The following NOP58 variants were observed in gnomAD, a reference collection of about 807,000 sequenced individuals.
The protein encoded by NOP58 is NOP58 ribonucleoprotein, also known as nucleolar protein 58.
In NOP58, 44 loss-of-function variants were observed where a neutral mutation model predicts 71.2. That is an observed-to-expected ratio of 0.62 (90% CI 0.49 to 0.79). The LOEUF is 0.79. Among genes scored for constraint, NOP58 ranks in the 30% least tolerant of loss-of-function variants. The pLI, the probability that NOP58 is intolerant of heterozygous loss-of-function variation, is 0.00. For missense variants in NOP58, 538 were observed against 620.2 expected (o/e 0.87, Z 1.41); for synonymous variants, 228 against 200.3 (o/e 1.14, Z -1.17).
chr2:202,299,456 T>C (rs1309710139), intron 12 of NOP58, among the ~76,000 whole-genome samples: 1 of 151,018 alleles, frequency 6.6e-6, no homozygotes, highest in East Asian at 1.9e-4. Flanking sequence ...CATTCTGCAA[T>C]ATTTATAGTC....
At chr2:202,281,169 G>T (rs1247795821) in intron 3 of NOP58, among the ~76,000 whole-genome samples, 6 of 141,736 alleles carry the variant, frequency 4.2e-5, no homozygotes, top group Admixed American at 1.4e-4. Context: ...TTTTGCTCTT[G>T]TCACTTAGGC....
chr2:202,284,583 G>C (rs539824317), intron 5 of NOP58, 102 bp downstream of exon 5: 209 of 1,208,360 alleles, frequency 1.7e-4, no homozygotes, highest in Admixed American at 2.5e-4. Context: ...AACCACATCA[G>C]AACCTTATGA....
chr2:202,275,215 T>G, intron 2 of NOP58, 26 bp downstream of exon 2: 7 of 1,231,508 alleles, frequency 5.7e-6, no homozygotes, highest in Non-Finnish European at 8.2e-6. Flanking sequence ...ATCAATAATT[T>G]AGCAGTTAAC....
At chr2:202,289,944 T>C (rs1026667183) in intron 6 of NOP58, among the ~76,000 whole-genome samples, 2 of 152,000 alleles carry the variant, frequency 1.3e-5, no homozygotes, top group Non-Finnish European at 2.9e-5. Context: ...TGAAGTGTTA[T>C]TTTTTATTCT....
At chr2:202,282,251 T>C in intron 3 of NOP58, 100 bp from the exon 4 acceptor site, 2 of 879,566 alleles carry the variant, frequency 2.3e-6, no homozygotes, top group Non-Finnish European at 3.5e-6. Context: ...ATTCAAGCCC[T>C]TTGAAAGGCC....
chr2:202,281,787 A>G (rs1332717046), intron 3 of NOP58, among the ~76,000 whole-genome samples: 1 of 152,340 alleles, frequency 6.6e-6, no homozygotes, highest in East Asian at 1.9e-4. Flanking sequence ...AGGGTGAGAA[A>G]TATAAAGCAG....
chr2:202,279,624 GTC>G (rs1178605721), intron 3 of NOP58, among the ~76,000 whole-genome samples: 1 of 152,108 alleles, frequency 6.6e-6, no homozygotes, highest in Non-Finnish European at 1.5e-5. Flanking sequence ...GTGAAACCTC[GTC>G]TCTACTGAAA....
chr2:202,290,564 A>G (rs1481737953), intron 7 of NOP58, 107 bp downstream of exon 7: 16 of 952,892 alleles, frequency 1.7e-5, no homozygotes, highest in Non-Finnish European at 1.9e-5. Context: ...GGGTTTTTGC[A>G]ATTTCTGTGT....
At chr2:202,285,341 ATTTTTTTT>A (rs932875625) in intron 5 of NOP58, among the ~76,000 whole-genome samples, 2 of 81,268 alleles carry the variant, frequency 2.5e-5, no homozygotes, top group Non-Finnish European at 4.6e-5. Context: ...CACACCCGGC[ATTTTTTTT>A]TTTTTTTTTT....
At chr2:202,270,081 T>C (rs937668612) in intron 1 of NOP58, among the ~76,000 whole-genome samples, 1 of 152,228 alleles carries the variant, frequency 6.6e-6, no homozygotes, top group Non-Finnish European at 1.5e-5. Flanking sequence ...TTTCTAACTT[T>C]ATTGGGTGTA....
At chr2:202,288,811 G>A (rs1393447301) in intron 6 of NOP58, among the ~76,000 whole-genome samples, 2 of 150,048 alleles carry the variant, frequency 1.3e-5, no homozygotes, top group African/African-American at 2.5e-5. Flanking sequence ...GCAACACTCC[G>A]TCTCAAAAAA....
At chr2:202,274,292 A>G (rs963673781) in intron 1 of NOP58, among the ~76,000 whole-genome samples, 1 of 151,932 alleles carries the variant, frequency 6.6e-6, no homozygotes, top group Non-Finnish European at 1.5e-5. Context: ...CAGTCGCGCA[A>G]TCTCGGCTCA....
At chr2:202,272,207 A>G (rs550829259) in intron 1 of NOP58, among the ~76,000 whole-genome samples, 10 of 134,806 alleles carry the variant, frequency 7.4e-5, no homozygotes, top group South Asian at 2.3e-4. Flanking sequence ...GCTGGAGTGC[A>G]GTGGCGCGAT....
intron 5 of NOP58, among the ~76,000 whole-genome samples, chr2:202,286,350 A>G (rs1283761529): frequency 6.9e-6 from 1 of 143,962 alleles, no homozygotes; most frequent in Admixed American, 7.1e-5. Context: ...TAAAAATACA[A>G]AAAAATTAGC....
Position 202,303,377 on chromosome 2 carries a change from T to C in NOP58, c.1540-9T>C. On this transcript the variant is annotated splice_polypyrimidine_tract_variant and intron_variant, in intron 14 of 14. Coordinates refer to ENST00000264279, the MANE Select transcript of NOP58 (RefSeq NM_015934.5). ...GCTCTTTCAAAGCATTCTTGTTGGC[T>C]ATTTTCAGAGTCCAGAGAAAAAGAA... 6.2e-7 allele frequency: 1 copy of C among 1,612,384 alleles called. No individual in the cohort carries two copies. Among genetic ancestry groups the C allele is most frequent in the South Asian group, 1.1e-5 (1 of 90,812 alleles).
intron 1 of NOP58, among the ~76,000 whole-genome samples, chr2:202,270,076 A>G (rs1272475691): frequency 6.6e-6 from 1 of 152,168 alleles, no homozygotes. Flanking sequence ...TATTTTTTCT[A>G]ACTTTATTGG....
Position 202,290,312 on chromosome 2 carries a change from A to C in NOP58, c.500-11A>C. On this transcript the variant is annotated splice_polypyrimidine_tract_variant and intron_variant, in intron 6 of 14. Transcript: ENST00000264279. ...TTTAAGTTTTGTTTGTTTGTTTTTA[A>C]TCTACTACAGCCTTGTTAGATGACT... The C allele has an allele frequency of 6.3e-7, 1 of 1,578,264 alleles. No homozygotes were observed. Among genetic ancestry groups the C allele is most frequent in the Non-Finnish European group, 8.6e-7 (1 of 1,163,810 alleles).
intron 5 of NOP58, 125 bp downstream of exon 5, chr2:202,284,606 T>G: frequency 1.6e-3 from 1,190 of 745,516 alleles, no homozygotes; most frequent in Non-Finnish European, 2.3e-3. Context: ...AAGATGATAG[T>G]AATATCCTCA....
intron 2 of NOP58, chr2:202,275,796 G>A (rs1169126875): frequency 2.6e-5 from 4 of 152,280 alleles, no homozygotes; most frequent in Non-Finnish European, 5.9e-5. Context: ...AGTCCCCCAA[G>A]TAGTTGGGAT....
Sources: gnomAD v4.1 joint callset for allele counts (sites outside exome capture counted in the v4.1 genomes callset) on GRCh38, gnomAD v4.1.1 for gene constraint, MANE v1.5 for transcripts, NCBI Gene and HGNC (gene_info 2026-07-23, HGNC 2026-07-21) for gene names.